The following CPNE8 variants were observed in gnomAD, a reference collection of about 807,000 sequenced individuals.
CPNE8 encodes copine-8.
In CPNE8, 45 loss-of-function variants were observed where a neutral mutation model predicts 81.5. The ratio of observed to expected loss-of-function variants is 0.55; its 90% confidence interval spans 0.44 to 0.71. The LOEUF (loss-of-function observed/expected upper bound fraction) is 0.71, where lower values mean the gene tolerates loss of function less well. CPNE8 is among the 30% of genes least tolerant of loss of function. The pLI, the probability that CPNE8 is intolerant of heterozygous loss-of-function variation, is 0.00. For synonymous variants in CPNE8, 252 were observed against 226.3 expected (o/e 1.11, Z -1.02); for missense variants, 594 against 672.1 (o/e 0.88, Z 1.28).
At chr12:38,880,364 G>T (rs1285751589) in intron 1 of CPNE8, among the ~76,000 whole-genome samples, 1 of 152,222 alleles carries the variant, frequency 6.6e-6, no homozygotes, top group Non-Finnish European at 1.5e-5. Context: ...CATAAGTGGG[G>T]CCCGTTGAAT....
chr12:38,878,497 T>C (rs1944099499), intron 1 of CPNE8, among the ~76,000 whole-genome samples: 1 of 152,170 alleles, frequency 6.6e-6, no homozygotes, highest in Non-Finnish European at 1.5e-5. Flanking sequence ...CAGCCTGCCT[T>C]CTCCTAAACA....
rs770984926 is a variant in CPNE8, at chr12:38,717,429, G to GTGTATATATGTATATATA, written c.914+6342_914+6343insTATATATACATATATACA. Among the ~76,000 whole-genome samples, 97 of 87,024 alleles carry GTGTATATATGTATATATA rather than the reference G, an allele frequency of 1.1e-3. 2 individuals carry two copies. Among genetic ancestry groups the GTGTATATATGTATATATA allele is most frequent in the African/African-American group, 4.4e-3 (96 of 21,656 alleles). The allele number at this position is 87,024 out of a possible 152,430, so 57.1% of individuals were successfully genotyped here. A position where few individuals can be genotyped will look rare whatever the true frequency, so the allele number is the denominator to read the frequency against. Reference sequence around the variant, plus strand: ...AACAAGTAAACAAAGAAAGTGTGGTGTATATATATATATATATATATATAT... The same window carrying GTGTATATATGTATATATA: ...AACAAGTAAACAAAGAAAGTGTGGTGTGTATATATGTATATATATATATATATATATATATATATATAT... On this transcript the variant is annotated intron_variant, in intron 13 of 19. Coordinates refer to ENST00000331366, the MANE Select transcript of CPNE8 (RefSeq NM_153634.3).
intron 13 of CPNE8, among the ~76,000 whole-genome samples, chr12:38,716,319 AAG>A (rs1940390424): frequency 1.3e-5 from 2 of 152,074 alleles, no homozygotes; most frequent in African/African-American, 2.4e-5. Flanking sequence ...TATGGAACCA[AAG>A]AGAGAGCTCA....
intron 6 of CPNE8, among the ~76,000 whole-genome samples, chr12:38,796,700 C>G (rs1032416661): frequency 1.3e-5 from 2 of 152,088 alleles, no homozygotes; most frequent in African/African-American, 2.4e-5. Flanking sequence ...GGGCGCAGGA[C>G]AGTGGGTGGA....
At chr12:38,892,916 C>G (rs1944335012) in intron 1 of CPNE8, among the ~76,000 whole-genome samples, 1 of 152,128 alleles carries the variant, frequency 6.6e-6, no homozygotes, top group Non-Finnish European at 1.5e-5. Context: ...AACAGCAGAA[C>G]TTGACAACTC....
At chr12:38,752,108 C>G (rs1037764609) in intron 10 of CPNE8, among the ~76,000 whole-genome samples, 6 of 152,138 alleles carry the variant, frequency 3.9e-5, no homozygotes, top group African/African-American at 1.4e-4. Flanking sequence ...TGTCATAAAA[C>G]TATAAATAAT....
chr12:38,781,712 G>T (rs527903684), intron 6 of CPNE8, among the ~76,000 whole-genome samples: 1 of 152,118 alleles, frequency 6.6e-6, no homozygotes, highest in Non-Finnish European at 1.5e-5. Context: ...CCCTTGGCAA[G>T]GTGATCAAGG....
chr12:38,694,336 C>A (rs1337653563), intron 14 of CPNE8, among the ~76,000 whole-genome samples: 3 of 152,066 alleles, frequency 2.0e-5, no homozygotes, highest in African/African-American at 7.2e-5. Context: ...TTTTCAAGTG[C>A]AGGCTGATTA....
intron 3 of CPNE8, among the ~76,000 whole-genome samples, chr12:38,867,284 T>G (rs1943928039): frequency 6.6e-6 from 1 of 150,742 alleles, no homozygotes; most frequent in South Asian, 2.1e-4. Context: ...AAAAAAGTCC[T>G]TGATGTTTGT....
Position 38,873,673 on chromosome 12 carries a change from A to AGTTGTCAG in CPNE8, c.140-624_140-623insCTGACAAC, listed in dbSNP as rs1429272486. On this transcript the variant is annotated intron_variant, in intron 2 of 19. Transcript: ENST00000331366. Reference sequence around the variant, plus strand: ...CAATGACTACCTCAAGAATTCTGACAACTGACAAAAACCTTCCCTCTGTAA... The same window carrying AGTTGTCAG: ...CAATGACTACCTCAAGAATTCTGACAGTTGTCAGACTGACAAAAACCTTCCCTCTGTAA... Among the ~76,000 whole-genome samples, 4 of 152,302 alleles carry AGTTGTCAG rather than the reference A, an allele frequency of 2.6e-5. No homozygotes were observed. The East Asian group carries it at 7.7e-4, about 29-fold the overall frequency.
intron 3 of CPNE8, among the ~76,000 whole-genome samples, chr12:38,872,733 A>G (rs1944010658): frequency 6.6e-6 from 1 of 152,228 alleles, no homozygotes; most frequent in Non-Finnish European, 1.5e-5. Context: ...GTAAGAAATC[A>G]TGTCAAATAG....
intron 3 of CPNE8, among the ~76,000 whole-genome samples, chr12:38,852,428 CAAAA>C (rs138401295): frequency 1.3e-5 from 1 of 75,208 alleles, no homozygotes. Context: ...AGCTCTGTCT[CAAAA>C]AAAAAAAAAA....
chr12:38,734,400 A>G (rs1940906919), intron 10 of CPNE8, among the ~76,000 whole-genome samples: 2 of 152,072 alleles, frequency 1.3e-5, no homozygotes, highest in Non-Finnish European at 2.9e-5. Flanking sequence ...GCAGACAACT[A>G]TGATTTTCCA....
chr12:38,890,346 T>C (rs1377215207), intron 1 of CPNE8, among the ~76,000 whole-genome samples: 1 of 152,176 alleles, frequency 6.6e-6, no homozygotes, highest in African/African-American at 2.4e-5. Flanking sequence ...GGAAACTTTA[T>C]AGCCAGACAA....
chr12:38,782,849 GT>G (rs1319964297), intron 6 of CPNE8, among the ~76,000 whole-genome samples: 1 of 151,662 alleles, frequency 6.6e-6, no homozygotes, highest in Non-Finnish European at 1.5e-5. Context: ...CTCAGCTAAC[GT>G]TTTTTCATTT....
chr12:38,878,516 A>C (rs1050938735), intron 1 of CPNE8, among the ~76,000 whole-genome samples: 3 of 152,232 alleles, frequency 2.0e-5, no homozygotes. Context: ...CACAACAGTC[A>C]GTTAGCTCAT....
chr12:38,846,451 C>T (rs1025863245), intron 4 of CPNE8, among the ~76,000 whole-genome samples: 1 of 152,024 alleles, frequency 6.6e-6, no homozygotes, highest in African/African-American at 2.4e-5. Context: ...ATTTTGGGAG[C>T]TGGCAAAAGT....
chr12:38,726,757 T>G (rs939653436), intron 11 of CPNE8, among the ~76,000 whole-genome samples: 1 of 152,226 alleles, frequency 6.6e-6, no homozygotes, highest in Admixed American at 6.5e-5. Context: ...AGGTTTTTCC[T>G]AAATTTTAGG....
At chr12:38,796,996 G>A (rs528086393) in intron 6 of CPNE8, among the ~76,000 whole-genome samples, 4 of 152,306 alleles carry the variant, frequency 2.6e-5, no homozygotes, top group Non-Finnish European at 4.4e-5. Flanking sequence ...GCTGGGGGAC[G>A]GGTGCCCGCC....
Sources: allele counts gnomAD v4.1 joint callset (sites outside exome capture counted in the v4.1 genomes callset), GRCh38; gene constraint gnomAD v4.1.1; transcripts MANE v1.5; gene names NCBI Gene and HGNC (gene_info 2026-07-23, HGNC 2026-07-21).